GRID2: variants seen among roughly 807,000 people sequenced by gnomAD.
GRID2 encodes glutamate ionotropic receptor delta type subunit 2, also known as glutamate receptor ionotropic, delta-2.
Under a neutral mutation model 114.8 loss-of-function variants are expected in GRID2, and 33 were observed. The ratio of observed to expected loss-of-function variants is 0.29; its 90% confidence interval spans 0.22 to 0.38. The LOEUF (loss-of-function observed/expected upper bound fraction) is 0.38, where lower values mean the gene tolerates loss of function less well. GRID2 is among the 10% of genes least tolerant of loss of function. GRID2 has a pLI of 1.00. For synonymous variants in GRID2, 505 were observed against 449.9 expected, an observed-to-expected ratio of 1.12 and a Z score of -1.55; for missense variants, 1,184 against 1,257.7, an observed-to-expected ratio of 0.94 and a Z score of 0.89.
intron 14 of GRID2, among the ~76,000 whole-genome samples, chr4:93,732,445 G>T (rs1176847036): frequency 2.0e-5 from 3 of 152,108 alleles, no homozygotes; most frequent in Non-Finnish European, 4.4e-5. Context: ...AACTCAGCAG[G>T]TTTATGCCTG....
intron 2 of GRID2, among the ~76,000 whole-genome samples, chr4:92,913,037 T>C (rs1748504694): frequency 6.6e-6 from 1 of 151,874 alleles, no homozygotes; most frequent in African/African-American, 2.4e-5. Flanking sequence ...TTAAAGAGGA[T>C]AACTTTGTGG....
chr4:92,372,873 A>G (rs149993308), intron 1 of GRID2, among the ~76,000 whole-genome samples: 1 of 152,334 alleles, frequency 6.6e-6, no homozygotes, highest in African/African-American at 2.4e-5. Flanking sequence ...ATTTTAAATT[A>G]TTAATAAGAA....
intron 5 of GRID2, among the ~76,000 whole-genome samples, chr4:93,209,535 G>A (rs1743209458): frequency 6.6e-6 from 1 of 151,974 alleles, no homozygotes; most frequent in African/African-American, 2.4e-5. Flanking sequence ...CATTCCTATT[G>A]TGAATAGTGA....
chr4:92,525,520 G>A (rs113717587), intron 1 of GRID2, among the ~76,000 whole-genome samples: 12 of 152,212 alleles, frequency 7.9e-5, no homozygotes, highest in African/African-American at 2.9e-4. Flanking sequence ...GGTACTCACA[G>A]TGGAGGTACA....
At chr4:92,499,846 C>G (rs1723584750) in intron 1 of GRID2, among the ~76,000 whole-genome samples, 1 of 152,202 alleles carries the variant, frequency 6.6e-6, no homozygotes, top group African/African-American at 2.4e-5. Flanking sequence ...AACTCCTGAT[C>G]TCAGGTGATT....
downstream of GRID2, among the ~76,000 whole-genome samples, chr4:93,775,009 A>G (rs1292566813): frequency 6.6e-6 from 1 of 152,152 alleles, no homozygotes; most frequent in Admixed American, 6.5e-5. Flanking sequence ...TGAATCTATT[A>G]ATTTGGGAAT....
intron 14 of GRID2, among the ~76,000 whole-genome samples, chr4:93,631,331 A>C (rs1028662673): frequency 3.9e-5 from 6 of 151,930 alleles, no homozygotes; most frequent in Non-Finnish European, 8.8e-5. Flanking sequence ...CTCATCATTT[A>C]TATTAGGTAT....
chr4:92,703,635 AT>A (rs1579875503), intron 2 of GRID2, among the ~76,000 whole-genome samples: 1 of 148,362 alleles, frequency 6.7e-6, no homozygotes, highest in Non-Finnish European at 1.5e-5. Context: ...ATATATATAT[AT>A]ATATATATAA....
chr4:92,350,343 T>A (rs1408804998), intron 1 of GRID2, among the ~76,000 whole-genome samples: 1 of 151,866 alleles, frequency 6.6e-6, no homozygotes, highest in Non-Finnish European at 1.5e-5. Context: ...TATAAAAGAA[T>A]TTAACTTGAT....
chr4:93,606,578 C>T (rs1740261165), intron 13 of GRID2, among the ~76,000 whole-genome samples: 1 of 152,124 alleles, frequency 6.6e-6, no homozygotes, highest in Non-Finnish European at 1.5e-5. Context: ...TACCTATTAA[C>T]AGTGGTTGGG....
intron 10 of GRID2, among the ~76,000 whole-genome samples, chr4:93,441,750 G>A (rs6532405): frequency 0.68 from 103,892 of 151,758 alleles, 36,241 homozygotes; most frequent in African/African-American, 0.83. Flanking sequence ...TGCCATTTGG[G>A]TACTTCAGAT....
rs1560941767 is a variant in GRID2 at position 93,163,384 on chromosome 4, A to ATATACACTATATATATATATATATATG, written c.736-44016_736-44015insCACTATATATATATATATATATGTATA. On this transcript the variant is annotated intron_variant, in intron 4 of 15. Coordinates refer to ENST00000282020, the MANE Select transcript of GRID2 (RefSeq NM_001510.4). The stretch of plus-strand genomic sequence containing the variant: ...TATATATATATATATATATATATAT[A>ATATACACTATATATATATATATATATG]TATATATATATATATACACTATATA... 6.9e-4 allele frequency among the ~76,000 whole-genome samples: 27 copies of ATATACACTATATATATATATATATATG among 39,388 alleles called. 1 individual carries two copies. The highest frequency in any genetic ancestry group is 3.3e-3 in the African/African-American group (24 of 7,248). The allele number at this position is 39,388 out of a possible 152,430, so 25.8% of individuals were successfully genotyped here.
At chr4:93,170,278 T>A (rs1055419503) in intron 4 of GRID2, among the ~76,000 whole-genome samples, 2 of 152,138 alleles carry the variant, frequency 1.3e-5, no homozygotes, top group African/African-American at 4.8e-5. Flanking sequence ...GAGATGGGGT[T>A]TCGCCACGTT....
At chr4:92,580,536 A>G (rs1728130536) in intron 1 of GRID2, among the ~76,000 whole-genome samples, 1 of 151,950 alleles carries the variant, frequency 6.6e-6, no homozygotes, top group Admixed American at 6.6e-5. Context: ...AGGTAAAATG[A>G]TTTTTCATCT....
At chr4:92,552,735 T>C (rs1002745740) in intron 1 of GRID2, among the ~76,000 whole-genome samples, 1 of 152,160 alleles carries the variant, frequency 6.6e-6, no homozygotes, top group Non-Finnish European at 1.5e-5. Flanking sequence ...ACAAAGAATG[T>C]CCAGACGAAG....
At chr4:93,459,703 C>T (rs906770129) in intron 11 of GRID2, among the ~76,000 whole-genome samples, 4 of 152,118 alleles carry the variant, frequency 2.6e-5, no homozygotes, top group African/African-American at 7.2e-5. Context: ...TATTCTTGAA[C>T]TTCAGATTTG....
chr4:92,375,360 G>T (rs1167355787), intron 1 of GRID2, among the ~76,000 whole-genome samples: 1 of 152,086 alleles, frequency 6.6e-6, no homozygotes, highest in Non-Finnish European at 1.5e-5. Context: ...CTTGTAATTT[G>T]TTTGTTGCTA....
chr4:93,337,482 C>G (rs1007221870), intron 8 of GRID2, among the ~76,000 whole-genome samples: 1 of 152,114 alleles, frequency 6.6e-6, no homozygotes, highest in Non-Finnish European at 1.5e-5. Flanking sequence ...GGAACCCCAG[C>G]CTTAGACAAC....
At chr4:93,009,380 A>G (rs1721886632) in intron 2 of GRID2, among the ~76,000 whole-genome samples, 2 of 152,114 alleles carry the variant, frequency 1.3e-5, no homozygotes, top group African/African-American at 4.8e-5. Flanking sequence ...GAGGATAGAT[A>G]GAAGGATGCT....
Sources: allele counts gnomAD v4.1 joint callset (sites outside exome capture counted in the v4.1 genomes callset), GRCh38; gene constraint gnomAD v4.1.1; transcripts MANE v1.5; gene names NCBI Gene and HGNC (gene_info 2026-07-23, HGNC 2026-07-21).